Variants in PDPN observed in about 807,000 individuals in gnomAD.
PDPN encodes the protein podoplanin.
A neutral mutation model predicts 23.2 loss-of-function variants in PDPN; 12 were observed. That is an observed-to-expected ratio of 0.52 (90% confidence interval 0.33 to 0.84). The LOEUF (loss-of-function observed/expected upper bound fraction) is 0.84, where lower values mean the gene tolerates loss of function less well. Ranked by LOEUF, PDPN falls within the 40% of genes least tolerant of loss-of-function variation. PDPN has a pLI of 0.02. For missense variants in PDPN, 199 were observed against 212.2 expected (o/e 0.94, Z 0.39); for synonymous variants, 77 against 76.7 (o/e 1.00, Z -0.02).
At position 13,602,026 on chromosome 1, in the gene PDPN, AT is replaced by A. The variant is rs1557544198; in HGVS notation, c.68-5146del. Among the ~76,000 whole-genome samples the A allele has an allele frequency of 7.2e-4, 107 of 148,086 alleles. 3 individuals carry two copies. Among genetic ancestry groups the A allele is most frequent in the East Asian group, 4.6e-3 (23 of 4,952 alleles). On this transcript the variant is annotated intron_variant, in intron 1 of 5. Coordinates refer to ENST00000621990, the MANE Select transcript of PDPN (RefSeq NM_006474.5). ...GGTGGCTCATGCCTTTGGGTGGCTC[AT>A]GCCTTTGGGTGGCTCATGCCTTTGG... is the stretch of plus-strand genomic sequence containing the variant.
chr1:13,588,310 G>A (rs1557534893), intron 1 of PDPN, among the ~76,000 whole-genome samples: 3 of 152,076 alleles, frequency 2.0e-5, no homozygotes, highest in African/African-American at 4.8e-5. Flanking sequence ...TACACAGAGT[G>A]TAAATGGGAA....
chr1:13,604,061 A>G (rs2100257023), intron 1 of PDPN, among the ~76,000 whole-genome samples: 1 of 152,280 alleles, frequency 6.6e-6, no homozygotes, highest in South Asian at 2.1e-4. Flanking sequence ...CCTGCAAGCT[A>G]GGTTGTGGGT....
chr1:13,610,475 C>T lies in PDPN; in HGVS notation c.290C>T (p.Pro97Leu), dbSNP rs777628351. The change falls in exon 3 of 6, where the codon CCA (proline) becomes CTA (leucine). Residue 97 changes from proline to leucine, a missense_variant. By Grantham distance (98) the Pro-to-Leu change is moderately conservative. Transcript: ENST00000621990. ...ACAGTCCACGCGCAAGAACAAAGTC[C>T]AAGCGCCACAGCCTCAAACGTGGCC... is the stretch of plus-strand genomic sequence containing the variant. Reference protein sequence around the residue: ...ESTVHAQEQSPSATASNVATS... With the variant: ...ESTVHAQEQSLSATASNVATS... 4 of 1,613,992 alleles carry T rather than the reference C, an allele frequency of 2.5e-6. No individual in the cohort carries two copies. Among genetic ancestry groups the T allele is most frequent in the Admixed American group, 3.3e-5 (2 of 60,008 alleles).
chr1:13,597,963 A>C (rs1640540709), intron 1 of PDPN, among the ~76,000 whole-genome samples: 1 of 152,004 alleles, frequency 6.6e-6, no homozygotes, highest in African/African-American at 2.4e-5. Flanking sequence ...TGACAGAGGG[A>C]GACCCTGTCT....
chr1:13,616,435 G>C lies in PDPN; in HGVS notation c.*524G>C, dbSNP rs1309460366. 1.3e-5 allele frequency: 2 copies of C among 156,162 alleles called. No individual in the cohort carries two copies. The highest frequency in any genetic ancestry group is 4.8e-5 in the African/African-American group (2 of 41,494). 9.7% of individuals were successfully genotyped at this position (156,162 alleles called of 1,614,324 possible). On this transcript the variant is annotated 3_prime_UTR_variant, in exon 6 of 6. Transcript: ENST00000621990. Reference sequence around the variant, plus strand: ...TATCTTTTAAAGCCTGATCTGGTGTGAATAATCAACTAGGAAATCTAAACT... The same window carrying C: ...TATCTTTTAAAGCCTGATCTGGTGTCAATAATCAACTAGGAAATCTAAACT...
rs1480461949 is a variant in PDPN, at chr1:13,616,310, A to G, written c.*399A>G. 8.3e-6 allele frequency: 2 copies of G among 241,360 alleles called. No homozygotes were observed. Among genetic ancestry groups the G allele is most frequent in the Non-Finnish European group, 1.6e-5 (2 of 123,132 alleles). 15.0% of individuals were successfully genotyped at this position (241,360 alleles called of 1,614,324 possible). A position where few individuals can be genotyped will look rare whatever the true frequency, so the allele number is the denominator to read the frequency against. The stretch of plus-strand genomic sequence containing the variant: ...TGCAGAGGAATCTGGAAATATTTAT[A>G]TCCACGGAGTCCTTGGATCCAGTGC... On this transcript the variant is annotated 3_prime_UTR_variant, in exon 6 of 6. Transcript: ENST00000621990.
At chr1:13,597,550 A>C (rs1640528966) in intron 1 of PDPN, among the ~76,000 whole-genome samples, 1 of 152,238 alleles carries the variant, frequency 6.6e-6, no homozygotes, top group South Asian at 2.1e-4. Context: ...ACTCACGTCA[A>C]GATGGAAACA....
At chr1:13,584,860 T>C (rs1438870368) in intron 1 of PDPN, among the ~76,000 whole-genome samples, 1 of 152,116 alleles carries the variant, frequency 6.6e-6, no homozygotes, top group East Asian at 1.9e-4. Flanking sequence ...CATGTTGGGG[T>C]GGGGGCGTCC....
chr1:13,609,760 T>C (rs1038799239), intron 2 of PDPN, among the ~76,000 whole-genome samples: 3 of 152,240 alleles, frequency 2.0e-5, no homozygotes, highest in Non-Finnish European at 2.9e-5. Context: ...TGTGTCAGAA[T>C]GTTCATCCTT....
At chr1:13,610,960 G>A (rs933437311) in intron 3 of PDPN, among the ~76,000 whole-genome samples, 25 of 152,238 alleles carry the variant, frequency 1.6e-4, no homozygotes, top group African/African-American at 5.8e-4. Flanking sequence ...GGTGGCTCAC[G>A]CCTATAATCC....
chr1:13,608,919 G>A (rs538042037), intron 2 of PDPN, among the ~76,000 whole-genome samples: 3 of 151,336 alleles, frequency 2.0e-5, no homozygotes, highest in South Asian at 2.1e-4. Flanking sequence ...TTTTTCTTAC[G>A]CATCTCAAGG....
intron 2 of PDPN, among the ~76,000 whole-genome samples, chr1:13,608,176 A>G (rs1195457247): frequency 6.6e-6 from 1 of 152,192 alleles, no homozygotes; most frequent in Non-Finnish European, 1.5e-5. Flanking sequence ...AATAAACAGG[A>G]CTAGAATCAG....
chr1:13,614,968 C>G, intron 5 of PDPN: 1 of 354,938 alleles, frequency 2.8e-6, no homozygotes, highest in Non-Finnish European at 5.4e-6. Context: ...AATTTTCCAA[C>G]TAACTGAACT....
At chr1:13,608,123 A>G (rs1246283879) in intron 2 of PDPN, among the ~76,000 whole-genome samples, 1 of 150,646 alleles carries the variant, frequency 6.6e-6, no homozygotes. Flanking sequence ...AAATAAATAA[A>G]TAAGTCAGTC....
In PDPN at chr1:13,614,308, T is replaced by C. The variant is rs369599284; in HGVS notation, c.379T>C (p.Ser127Pro). The C allele has an allele frequency of 9.5e-6, 15 of 1,576,578 alleles. No homozygotes were observed. The African/African-American group carries it at 1.6e-4, about 17-fold the overall frequency. Residue 127 changes from serine (S) to proline (P), a missense_variant, in exon 5 of 6, where the codon TCA becomes CCA. Ser to Pro is a moderately conservative substitution (Grantham distance 74). Coordinates refer to ENST00000621990, the MANE Select transcript of PDPN (RefSeq NM_006474.5). ...TQTTVEKDGL[S>P]TVTLVGIIVG... is the part of the protein sequence containing the mutation. Reference sequence around the variant, plus strand: ...TTCTCTCTCTTGTTCAGATGGTTTGTCAACAGTGACCCTGGTTGGAATCAT... The same window carrying C: ...TTCTCTCTCTTGTTCAGATGGTTTGCCAACAGTGACCCTGGTTGGAATCAT...
In PDPN at chr1:13,584,461, G is replaced by T. The variant is rs1640122818; in HGVS notation, c.67+361G>T. On this transcript the variant is annotated intron_variant, in intron 1 of 5. Transcript: ENST00000621990. ...GCTGGGGTTTCCTTCCCATAGAGCG[G>T]TGTGTTGGAGGAATACGCACGCCTC... 4.5e-6 allele frequency: 3 copies of T among 668,384 alleles called. No homozygotes were observed. In the South Asian group the frequency reaches 6.2e-5, roughly 14 times the overall value. 41.4% of individuals were successfully genotyped at this position (668,384 alleles called of 1,614,324 possible).
chr1:13,595,805 T>C (rs1378112295), intron 1 of PDPN: 2 of 1,180,602 alleles, frequency 1.7e-6, no homozygotes, highest in Middle Eastern at 2.3e-4. Context: ...TATCTTCAGC[T>C]ATGCCGTCTC....
At chr1:13,602,459 C>T (rs564211259) in intron 1 of PDPN, among the ~76,000 whole-genome samples, 5 of 152,260 alleles carry the variant, frequency 3.3e-5, no homozygotes, top group Admixed American at 1.3e-4. Context: ...TGAAACAACT[C>T]GCTCCACAAA....
chr1:13,613,649 C>G (rs1640990676), intron 3 of PDPN, 38 bp from the exon 4 acceptor site: 1 of 998,910 alleles, frequency 1.0e-6, no homozygotes, highest in Non-Finnish European at 1.6e-6. Context: ...GTTATTAAAC[C>G]CTAATAATTC....
Sources: gnomAD v4.1 joint callset for allele counts (sites outside exome capture counted in the v4.1 genomes callset) on GRCh38, gnomAD v4.1.1 for gene constraint, MANE v1.5 for transcripts, NCBI Gene and HGNC (gene_info 2026-07-23, HGNC 2026-07-21) for gene names.